CSNK2A1: variants seen among roughly 807,000 people sequenced by gnomAD.
The protein encoded by CSNK2A1 is casein kinase 2 alpha 1.
In CSNK2A1, 10 loss-of-function variants were observed where a neutral mutation model predicts 62.9. The ratio of observed to expected loss-of-function variants is 0.16; its 90% CI spans 0.10 to 0.27. The LOEUF is 0.27. CSNK2A1 is among the 10% of genes least tolerant of loss of function. The probability of loss-of-function intolerance (pLI) is 1.00; values close to 1 mark genes in which losing one functional copy is unlikely to be tolerated. For synonymous variants in CSNK2A1, 124 were observed against 167.8 expected (o/e 0.74, Z 2.02); for missense variants, 160 against 492.0 (o/e 0.33, Z 6.38).
chr20:538,690 G>C (rs1447945372), intron 1 of CSNK2A1, among the ~76,000 whole-genome samples: 1 of 152,164 alleles, frequency 6.6e-6, no homozygotes, highest in Non-Finnish European at 1.5e-5. Context: ...AGTTTGAGCT[G>C]AGCTGGGGTG....
At chr20:525,220 T>G (rs2019054118) in intron 2 of CSNK2A1, among the ~76,000 whole-genome samples, 1 of 152,096 alleles carries the variant, frequency 6.6e-6, no homozygotes, top group South Asian at 2.1e-4. Flanking sequence ...CTTAGAAATT[T>G]ATAAACTTAG....
chr20:518,746 G>A (rs1445949020), intron 2 of CSNK2A1, among the ~76,000 whole-genome samples: 12 of 146,960 alleles, frequency 8.2e-5, no homozygotes, highest in Admixed American at 4.8e-4. Flanking sequence ...AAGTAAAGAC[G>A]GGGTTTCACC....
chr20:481,120 A>T lies in CSNK2A1; in HGVS notation c.*2841T>A, dbSNP rs1341914835. On this transcript the variant is annotated 3_prime_UTR_variant, in exon 14 of 14. Transcript: ENST00000217244. ...GCTGCAGGGACATTTCATTTATTTA[A>T]ATGTTTTTATTAAAAAAAATTAAAG... 1 of 152,178 alleles carries T rather than the reference A, an allele frequency of 6.6e-6. No homozygotes were observed. The highest frequency in any genetic ancestry group is 1.5e-5 in the Non-Finnish European group (1 of 68,046). 9.4% of individuals were successfully genotyped at this position (152,178 alleles called of 1,614,324 possible). A position where few individuals can be genotyped will look rare whatever the true frequency, so the allele number is the denominator to read the frequency against.
At chr20:489,645 C>T in intron 10 of CSNK2A1, 135 bp downstream of exon 10, 1 of 578,410 alleles carries the variant, frequency 1.7e-6, no homozygotes, top group East Asian at 3.1e-5. Context: ...AAAGGCTAAG[C>T]TGGTAGCTCC....
At chr20:525,070 T>C (rs187661872) in intron 2 of CSNK2A1, among the ~76,000 whole-genome samples, 163 of 152,276 alleles carry the variant, frequency 1.1e-3, no homozygotes, top group Non-Finnish European at 1.8e-3. Flanking sequence ...GATCACAGTG[T>C]TGCACTCCAA....
At chr20:490,629 C>A (rs1032890077) in intron 9 of CSNK2A1, among the ~76,000 whole-genome samples, 3 of 150,694 alleles carry the variant, frequency 2.0e-5, no homozygotes, top group Admixed American at 6.6e-5. Flanking sequence ...TGGTCTTGAG[C>A]TCCTGACCTT....
chr20:491,967 A>G (rs1162020046), intron 9 of CSNK2A1, among the ~76,000 whole-genome samples: 1 of 152,126 alleles, frequency 6.6e-6, no homozygotes, highest in African/African-American at 2.4e-5. Context: ...ACAATTCAAA[A>G]CAGTTCTGGA....
chr20:487,029 C>G (rs2018115427), intron 12 of CSNK2A1: 1 of 202,960 alleles, frequency 4.9e-6, no homozygotes, highest in African/African-American at 2.3e-5. Context: ...CTTAGGATGG[C>G]ACAGGTGGCT....
chr20:505,553 G>A (rs909346049), intron 3 of CSNK2A1, among the ~76,000 whole-genome samples: 4 of 151,440 alleles, frequency 2.6e-5, no homozygotes, highest in East Asian at 1.9e-4. Context: ...TAGAGACGGC[G>A]GGTCCTCACC....
At chr20:497,560 G>A (rs568815046) in intron 7 of CSNK2A1, among the ~76,000 whole-genome samples, 161 bp downstream of exon 7, 1 of 152,300 alleles carries the variant, frequency 6.6e-6, no homozygotes, top group East Asian at 1.9e-4. Flanking sequence ...AAAGTGCTGG[G>A]ATTACAGGTA....
At chr20:509,575 G>T (rs991890951) in intron 2 of CSNK2A1, among the ~76,000 whole-genome samples, 2 of 152,186 alleles carry the variant, frequency 1.3e-5, no homozygotes, top group African/African-American at 2.4e-5. Flanking sequence ...ACTTCAATTT[G>T]TATGTGTGTA....
intron 2 of CSNK2A1, among the ~76,000 whole-genome samples, chr20:525,397 A>C (rs960192657): frequency 1.3e-5 from 2 of 152,136 alleles, no homozygotes; most frequent in Non-Finnish European, 2.9e-5. Flanking sequence ...TCACGCCTGT[A>C]ATCCCAGCAC....
chr20:499,016 T>G lies in CSNK2A1; in HGVS notation c.366+239A>C. On this transcript the variant is annotated intron_variant, in intron 6 of 13. Coordinates refer to ENST00000217244, the MANE Select transcript of CSNK2A1 (RefSeq NM_177559.3). The surrounding 1 kb of genome is among the most constrained non-coding windows in gnomAD (Gnocchi z 4.2). ...TTGGACATCAGCAGAAACTGTCAACTAAGTAGTGAGAAGTCAATGTGTTGG... is the reference window on the plus strand; with the variant it reads ...TTGGACATCAGCAGAAACTGTCAACGAAGTAGTGAGAAGTCAATGTGTTGG... The G allele has an allele frequency of 3.5e-6, 1 of 283,594 alleles. No individual in the cohort carries two copies. The allele number at this position is 283,594 out of a possible 1,614,324, so 17.6% of individuals were successfully genotyped here.
intron 2 of CSNK2A1, among the ~76,000 whole-genome samples, chr20:521,288 C>T (rs1156729381): frequency 1.3e-5 from 2 of 152,082 alleles, no homozygotes; most frequent in African/African-American, 2.4e-5. Context: ...AGAAGATATA[C>T]ACATAAGTAT....
Position 499,561 on chromosome 20 carries a change from A to G in CSNK2A1, c.316-256T>C. 2 of 554,088 alleles carry G rather than the reference A, an allele frequency of 3.6e-6. No homozygotes were observed. The highest frequency in any genetic ancestry group is 6.3e-6 in the Non-Finnish European group (2 of 316,870). 34.3% of individuals were successfully genotyped at this position (554,088 alleles called of 1,614,324 possible). A position where few individuals can be genotyped will look rare whatever the true frequency, so the allele number is the denominator to read the frequency against. Reference sequence around the variant, plus strand: ...CAGCCCGACAATGCGCCCATCGCCCATCGGCATCGGACCTGAGTTTGCAAA... The same window carrying G: ...CAGCCCGACAATGCGCCCATCGCCCGTCGGCATCGGACCTGAGTTTGCAAA... On this transcript the variant is annotated intron_variant, in intron 5 of 13. Coordinates refer to ENST00000217244, the MANE Select transcript of CSNK2A1 (RefSeq NM_177559.3). The surrounding 1 kb of genome is among the most constrained non-coding windows in gnomAD (Gnocchi z 4.2).
intron 9 of CSNK2A1, among the ~76,000 whole-genome samples, chr20:490,893 GA>G (rs36034582): frequency 0.15 from 15,515 of 102,114 alleles, 959 homozygotes; most frequent in African/African-American, 0.23. Flanking sequence ...TCACTTACAT[GA>G]AAAAAAAAAA....
intron 3 of CSNK2A1, among the ~76,000 whole-genome samples, 184 bp from the exon 4 acceptor site, chr20:505,413 G>A (rs2018557063): frequency 7.6e-6 from 1 of 131,976 alleles, no homozygotes; most frequent in Admixed American, 8.5e-5. Flanking sequence ...AGGCTAGAGT[G>A]CAGTGGCGCG....
intron 3 of CSNK2A1, 193 bp downstream of exon 3, chr20:508,258 T>C: frequency 5.5e-6 from 3 of 541,430 alleles, no homozygotes; most frequent in South Asian, 5.4e-5. Context: ...CCATTAAAAT[T>C]GTTCACTTGC....
At chr20:514,098 T>C (rs1303555297) in intron 2 of CSNK2A1, among the ~76,000 whole-genome samples, 1 of 152,060 alleles carries the variant, frequency 6.6e-6, no homozygotes, top group African/African-American at 2.4e-5. Flanking sequence ...GGCTCATACC[T>C]ATAATCCCAG....
Sources: gnomAD v4.1 joint callset for allele counts (sites outside exome capture counted in the v4.1 genomes callset) on GRCh38, gnomAD v4.1.1 for gene constraint, Gnocchi (gnomAD v3.1) non-coding constraint, MANE v1.5 for transcripts, NCBI Gene and HGNC (gene_info 2026-07-23, HGNC 2026-07-21) for gene names.